ANKRD44: variants seen among roughly 807,000 people sequenced by gnomAD.
The protein encoded by ANKRD44 is ankyrin repeat domain 44.
Under a neutral mutation model 116.0 loss-of-function variants are expected in ANKRD44, and 35 were observed. The ratio of observed to expected loss-of-function variants is 0.30; its 90% CI spans 0.23 to 0.40. The LOEUF (loss-of-function observed/expected upper bound fraction) is 0.40. Among genes scored for constraint, ANKRD44 ranks in the 10% least tolerant of loss-of-function variants. The probability of loss-of-function intolerance (pLI) is 1.00; values close to 1 mark genes in which losing one functional copy is unlikely to be tolerated. For missense variants in ANKRD44, 1,014 were observed against 1,242.6 expected (o/e 0.82, Z 2.77); for synonymous variants, 435 against 461.8 (o/e 0.94, Z 0.74).
At chr2:197,015,637 GA>G in intron 17 of ANKRD44, 2 of 562,000 alleles carry the variant, frequency 3.6e-6, no homozygotes, top group African/African-American at 1.9e-5. Flanking sequence ...CTATGGTGGT[GA>G]AGGTGGTGGC....
At chr2:197,178,661 T>C (rs1574210864) in intron 2 of ANKRD44, among the ~76,000 whole-genome samples, 1 of 152,352 alleles carries the variant, frequency 6.6e-6, no homozygotes, top group East Asian at 1.9e-4. Context: ...TTTACTTGAT[T>C]GACAAAGGTA....
intron 16 of ANKRD44, chr2:197,029,822 C>T (rs2076670204): frequency 6.9e-6 from 2 of 288,680 alleles, no homozygotes; most frequent in South Asian, 6.6e-5. Context: ...TAGCCTTCAA[C>T]TTTACCTTCA....
rs558406818 is a variant in ANKRD44, at chr2:196,999,039, C to T, written c.2533G>A (p.Ala845Thr). Residue 845 changes from alanine to threonine, a missense_variant, in exon 24 of 28, where the codon GCG becomes ACG. Transcript: ENST00000282272. ...TCCACATGATCAGCAAATGCTGCCG[C>T]ATGAAGGGGTGTCCTAAAGATTTAA... ...RDDKGRTPLH[A>T]AAFADHVECL... 1.2e-6 allele frequency: 2 copies of T among 1,613,886 alleles called. No homozygotes were observed. The highest frequency in any genetic ancestry group is 3.3e-5 in the Admixed American group (2 of 59,968).
chr2:197,225,756 T>C (rs2125745265), intron 1 of ANKRD44, among the ~76,000 whole-genome samples: 1 of 152,362 alleles, frequency 6.6e-6, no homozygotes, highest in East Asian at 1.9e-4. Context: ...ACAGACCTAA[T>C]AATTTGGCAT....
chr2:197,123,671 T>C (rs1185388171), intron 6 of ANKRD44, among the ~76,000 whole-genome samples: 1 of 152,176 alleles, frequency 6.6e-6, no homozygotes, highest in African/African-American at 2.4e-5. Context: ...CAAGCATATT[T>C]GACCTTTATT....
chr2:196,983,505 C>T (rs1574216650), downstream of ANKRD44, among the ~76,000 whole-genome samples: 1 of 152,324 alleles, frequency 6.6e-6, no homozygotes, highest in East Asian at 1.9e-4. Flanking sequence ...CTGGTAATTT[C>T]TTGTGGTTAG....
intron 1 of ANKRD44, among the ~76,000 whole-genome samples, chr2:197,257,125 G>T (rs147440345): frequency 6.6e-6 from 1 of 152,274 alleles, no homozygotes; most frequent in East Asian, 1.9e-4. Flanking sequence ...AAAATTTCAG[G>T]TGCCTGAGCT....
In ANKRD44 at chr2:197,013,491, A is replaced by G. The variant is rs373224480; in HGVS notation, c.1924+20T>C. On this transcript the variant is annotated intron_variant, in intron 18 of 27. Coordinates refer to ENST00000282272, the MANE Select transcript of ANKRD44 (RefSeq NM_001195144.2). ...AACAAGCCACAAAACTAGGGTAATC[A>G]GGCCCTTGACAAGACCTACCTGAGG... is the stretch of plus-strand genomic sequence containing the variant. The G allele has an allele frequency of 2.7e-4, 443 of 1,611,838 alleles. No homozygotes were observed. Among genetic ancestry groups the G allele is most frequent in the Non-Finnish European group, 3.4e-4 (399 of 1,178,176 alleles).
At chr2:197,083,220 G>A (rs1349190360) in intron 14 of ANKRD44, 149 bp downstream of exon 14, 34 of 989,138 alleles carry the variant, frequency 3.4e-5, no homozygotes, top group East Asian at 1.3e-4. Context: ...ACCAGAACAG[G>A]AAAGCCCAGG....
intron 1 of ANKRD44, among the ~76,000 whole-genome samples, chr2:197,278,758 C>T (rs941258425): frequency 6.6e-6 from 1 of 152,224 alleles, no homozygotes; most frequent in Non-Finnish European, 1.5e-5. Flanking sequence ...CTCTTCCCCA[C>T]CACCCCTTTC....
chr2:197,214,813 A>G (rs1193646168), intron 1 of ANKRD44, among the ~76,000 whole-genome samples: 3 of 152,220 alleles, frequency 2.0e-5, no homozygotes, highest in East Asian at 3.8e-4. Flanking sequence ...CCTGTTCCCA[A>G]ATAGATGCTC....
intron 1 of ANKRD44, among the ~76,000 whole-genome samples, chr2:197,288,355 A>T (rs1408742866): frequency 6.6e-6 from 1 of 152,034 alleles, no homozygotes; most frequent in Non-Finnish European, 1.5e-5. Flanking sequence ...AGAAAAGGAA[A>T]CTCTTATATG....
chr2:197,002,799 C>T (rs1191631532), intron 21 of ANKRD44, among the ~76,000 whole-genome samples: 1 of 152,164 alleles, frequency 6.6e-6, no homozygotes, highest in East Asian at 1.9e-4. Context: ...GAAGGCATTG[C>T]CATTTTGCTT....
chr2:197,200,590 G>A (rs550770046), intron 1 of ANKRD44, among the ~76,000 whole-genome samples: 26 of 152,156 alleles, frequency 1.7e-4, no homozygotes, highest in African/African-American at 6.0e-4. Context: ...CAGACAGCAC[G>A]AGCTTGAAAT....
intron 1 of ANKRD44, among the ~76,000 whole-genome samples, chr2:197,310,272 GC>G (rs1280620882): frequency 6.7e-6 from 1 of 149,658 alleles, no homozygotes. Flanking sequence ...AGCACCTCGA[GC>G]CCCCGGCCCC....
At chr2:197,185,113 G>A (rs764103986) in intron 2 of ANKRD44, among the ~76,000 whole-genome samples, 4 of 152,328 alleles carry the variant, frequency 2.6e-5, no homozygotes, top group African/African-American at 4.8e-5. Context: ...GTGGATTCCC[G>A]TGATGTCAGA....
chr2:197,068,525 C>A (rs1467035984), intron 16 of ANKRD44, among the ~76,000 whole-genome samples: 3 of 151,664 alleles, frequency 2.0e-5, no homozygotes, highest in Non-Finnish European at 4.4e-5. Context: ...AGTGAACAGG[C>A]AACCTACAGA....
intron 2 of ANKRD44, among the ~76,000 whole-genome samples, chr2:197,160,756 GA>G (rs1223044281): frequency 6.6e-6 from 1 of 152,178 alleles, no homozygotes; most frequent in Non-Finnish European, 1.5e-5. Flanking sequence ...AGCAGAGTCA[GA>G]TCTGGTTAAA....
In ANKRD44 at chr2:197,103,847, G is replaced by A. The variant is rs574723117; in HGVS notation, c.986-3917C>T. Among the ~76,000 whole-genome samples, 22 of 152,284 alleles carry A rather than the reference G, an allele frequency of 1.4e-4. 1 individual carries two copies. The highest frequency in any genetic ancestry group is 4.8e-4 in the African/African-American group (20 of 41,556). Reference sequence around the variant, plus strand: ...CAGTTGTATGTATGTGTGCATGCGTGTGTAGAATTTTCCCATGGTTGAGTT... The same window carrying A: ...CAGTTGTATGTATGTGTGCATGCGTATGTAGAATTTTCCCATGGTTGAGTT... On this transcript the variant is annotated intron_variant, in intron 9 of 27. Coordinates refer to ENST00000282272, the MANE Select transcript of ANKRD44 (RefSeq NM_001195144.2).
Sources: allele counts gnomAD v4.1 joint callset (sites outside exome capture counted in the v4.1 genomes callset), GRCh38; gene constraint gnomAD v4.1.1; transcripts MANE v1.5; gene names NCBI Gene and HGNC (gene_info 2026-07-23, HGNC 2026-07-21).